Variants in ATP10B observed in about 807,000 individuals in gnomAD.
The protein encoded by ATP10B is phospholipid-transporting ATPase VB.
In ATP10B, 122 loss-of-function variants were observed where a neutral mutation model predicts 141.2. The ratio of observed to expected loss-of-function variants is 0.86; its 90% CI spans 0.75 to 1.00. The LOEUF (loss-of-function observed/expected upper bound fraction) is 1.00, where lower values mean the gene tolerates loss of function less well. Among genes scored for constraint, ATP10B ranks in the 50% least tolerant of loss-of-function variants. The pLI is 0.00. For synonymous variants in ATP10B, 685 were observed against 692.0 expected, an observed-to-expected ratio of 0.99 and a Z score of 0.16; for missense variants, 1,876 against 1,825.3, an observed-to-expected ratio of 1.03 and a Z score of -0.51.
chr5:160,583,219 A>G (rs941229227), intron 24 of ATP10B, among the ~76,000 whole-genome samples: 3 of 152,036 alleles, frequency 2.0e-5, no homozygotes, highest in Non-Finnish European at 4.4e-5. Flanking sequence ...TCATGGATTT[A>G]TCTACCTTCG....
At chr5:160,620,283 T>C (rs1005328170) in intron 15 of ATP10B, 64 bp downstream of exon 15, 1 of 1,531,600 alleles carries the variant, frequency 6.5e-7, no homozygotes, top group Non-Finnish European at 8.8e-7. Flanking sequence ...CTTATTACCA[T>C]TCCACACTGC....
chr5:160,618,035 A>G, intron 15 of ATP10B, 62 bp from the exon 16 acceptor site: 3 of 1,258,370 alleles, frequency 2.4e-6, no homozygotes, highest in Non-Finnish European at 3.5e-6. Context: ...CCCCATCCCC[A>G]ATACCCTGGA....
At chr5:160,798,848 T>G (rs531479755) in intron 1 of ATP10B, among the ~76,000 whole-genome samples, 9 of 151,076 alleles carry the variant, frequency 6.0e-5, no homozygotes, top group Non-Finnish European at 7.4e-5. Context: ...CCTCCCGGGT[T>G]TCAAGCAATT....
intron 3 of ATP10B, among the ~76,000 whole-genome samples, chr5:160,706,571 C>T (rs1445668031): frequency 6.6e-6 from 1 of 152,140 alleles, no homozygotes; most frequent in African/African-American, 2.4e-5. Flanking sequence ...CTTAGGTTTA[C>T]CTCCGTAGCC....
At chr5:160,879,697 G>T in the ATP10B span, among the ~76,000 whole-genome samples, 2 of 152,022 alleles carry the variant, frequency 1.3e-5, no homozygotes, top group South Asian at 4.2e-4. Flanking sequence ...AATTAGCCGG[G>T]CGTGGTAGCG....
At chr5:160,638,030 C>T (rs529625584) in intron 10 of ATP10B, among the ~76,000 whole-genome samples, 9 of 152,244 alleles carry the variant, frequency 5.9e-5, no homozygotes, top group South Asian at 2.1e-4. Flanking sequence ...AGCCCCAGCA[C>T]GTGTTGGATG....
chr5:160,921,896 AGTT>A, the ATP10B span, among the ~76,000 whole-genome samples: 2 of 152,194 alleles, frequency 1.3e-5, no homozygotes, highest in Non-Finnish European at 2.9e-5. Flanking sequence ...TAAGTGCTAG[AGTT>A]GTTTTCAGAC....
At chr5:160,575,386 C>T (rs914212401) in intron 24 of ATP10B, among the ~76,000 whole-genome samples, 3 of 152,026 alleles carry the variant, frequency 2.0e-5, no homozygotes, top group African/African-American at 7.2e-5. Context: ...ATGGCAGTGA[C>T]ATTTTTGAAA....
chr5:160,780,655 T>A (rs564183121), intron 2 of ATP10B, among the ~76,000 whole-genome samples: 2 of 152,244 alleles, frequency 1.3e-5, no homozygotes, highest in East Asian at 1.9e-4. Context: ...TCCTGAAACT[T>A]TTCCTACTCA....
At chr5:160,742,302 C>G (rs778021071) in intron 2 of ATP10B, among the ~76,000 whole-genome samples, 11 of 152,032 alleles carry the variant, frequency 7.2e-5, no homozygotes, top group Non-Finnish European at 1.3e-4. Context: ...CTAATGACAT[C>G]CCCCCTAATG....
intron 12 of ATP10B, chr5:160,632,618 AGGTT>A: frequency 1.1e-5 from 2 of 175,440 alleles, no homozygotes; most frequent in East Asian, 1.1e-4. Flanking sequence ...ATTTCCTCAG[AGGTT>A]TTTTTTTTTT....
chr5:160,593,453 C>T (rs1756463390), intron 22 of ATP10B, among the ~76,000 whole-genome samples: 1 of 152,174 alleles, frequency 6.6e-6, no homozygotes, highest in South Asian at 2.1e-4. Context: ...GTAGATAAAA[C>T]CACAAAGATG....
At chr5:160,775,495 G>A (rs1770231656) in intron 2 of ATP10B, among the ~76,000 whole-genome samples, 1 of 152,068 alleles carries the variant, frequency 6.6e-6, no homozygotes, top group African/African-American at 2.4e-5. Flanking sequence ...TATGTGATTG[G>A]ATATGGACTA....
At chr5:160,832,480 T>A (rs1299532834) in intron 1 of ATP10B, among the ~76,000 whole-genome samples, 1 of 152,116 alleles carries the variant, frequency 6.6e-6, no homozygotes, top group Non-Finnish European at 1.5e-5. Flanking sequence ...TAGCAAGGTA[T>A]TTATTTTAAA....
At chr5:160,852,324 A>C (rs917903252), upstream of ATP10B, 1 of 152,184 alleles carries the variant, frequency 6.6e-6, no homozygotes, top group Non-Finnish European at 1.5e-5. Context: ...ATAAATTTCT[A>C]CTTCCTGTGA....
chr5:160,773,335 C>A (rs889784953), intron 2 of ATP10B, among the ~76,000 whole-genome samples: 3 of 152,082 alleles, frequency 2.0e-5, no homozygotes, highest in African/African-American at 7.2e-5. Context: ...GTACATGATG[C>A]CGAGAGCCTG....
At chr5:160,905,972 C>A in the ATP10B span, among the ~76,000 whole-genome samples, 2 of 152,112 alleles carry the variant, frequency 1.3e-5, no homozygotes, top group African/African-American at 2.4e-5. Context: ...CAAAGACTTA[C>A]AAATTTCCAG....
chr5:160,765,226 T>C (rs968673456), intron 2 of ATP10B, among the ~76,000 whole-genome samples: 1 of 152,044 alleles, frequency 6.6e-6, no homozygotes, highest in South Asian at 2.1e-4. Context: ...AAAACATTTC[T>C]AAAATTCATA....
chr5:160,818,554 C>G (rs1471052611), intron 1 of ATP10B, among the ~76,000 whole-genome samples: 1 of 152,218 alleles, frequency 6.6e-6, no homozygotes, highest in Non-Finnish European at 1.5e-5. Flanking sequence ...GTTGGTGGGA[C>G]TGTAAACTAG....
Sources: allele counts gnomAD v4.1 joint callset (sites outside exome capture counted in the v4.1 genomes callset), GRCh38; gene constraint gnomAD v4.1.1; transcripts MANE v1.5; gene names NCBI Gene and HGNC (gene_info 2026-07-23, HGNC 2026-07-21).